The following VMP1 variants were observed in gnomAD, a reference collection of about 807,000 sequenced individuals.
VMP1 encodes ectopic P-granules autophagy protein 3 homolog.
A neutral mutation model predicts 56.0 loss-of-function variants in VMP1; 11 were observed. That is an observed-to-expected ratio of 0.20 (90% CI 0.12 to 0.32). The LOEUF is 0.32. Ranked by LOEUF, VMP1 falls within the 10% of genes least tolerant of loss-of-function variation. VMP1 has a pLI of 1.00. For synonymous variants in VMP1, 149 were observed against 165.0 expected (o/e 0.90, Z 0.74); for missense variants, 296 against 490.3 (o/e 0.60, Z 3.74).
chr17:59,827,177 A>G (rs759486948), intron 10 of VMP1, among the ~76,000 whole-genome samples: 2 of 151,650 alleles, frequency 1.3e-5, no homozygotes, highest in African/African-American at 2.4e-5. Context: ...CTTTTTTGAG[A>G]CAGGGTCTCG....
At chr17:59,711,600 G>C (rs2033936750) in intron 1 of VMP1, among the ~76,000 whole-genome samples, 2 of 152,186 alleles carry the variant, frequency 1.3e-5, no homozygotes, top group Admixed American at 6.5e-5. Flanking sequence ...TTTGGATGGA[G>C]TTTGCTGAAC....
intron 5 of VMP1, among the ~76,000 whole-genome samples, chr17:59,748,596 T>G (rs1432595800): frequency 1.3e-5 from 2 of 152,196 alleles, no homozygotes; most frequent in Non-Finnish European, 2.9e-5. Context: ...CTTGTACAGT[T>G]TTCAGCTCAG....
At chr17:59,708,432 TG>T (rs2143671905) in intron 1 of VMP1, among the ~76,000 whole-genome samples, 1 of 152,354 alleles carries the variant, frequency 6.6e-6, no homozygotes, top group East Asian at 1.9e-4. Flanking sequence ...AAACCATATG[TG>T]GCCCTGTGTC....
chr17:59,819,555 G>A (rs1255080865), intron 10 of VMP1, among the ~76,000 whole-genome samples: 2 of 152,164 alleles, frequency 1.3e-5, no homozygotes, highest in Non-Finnish European at 1.5e-5. Context: ...CCAGGTTAAA[G>A]CAATTCTTCT....
At position 59,765,176 on chromosome 17, in the gene VMP1, T is replaced by C. The variant is rs1225772277; in HGVS notation, c.582+38T>C. 6 of 1,601,362 alleles carry C rather than the reference T, an allele frequency of 3.7e-6. No homozygotes were observed. In the African/African-American group the frequency reaches 8.1e-5, roughly 21 times the overall value. The stretch of plus-strand genomic sequence containing the variant: ...TTTTCATATTTGTTTAAAACTAACC[T>C]CACCATCTTGATAGTGTGTGTACCT... On this transcript the variant is annotated intron_variant, in intron 6 of 11. Coordinates refer to ENST00000262291, the MANE Select transcript of VMP1 (RefSeq NM_030938.5).
intron 8 of VMP1, among the ~76,000 whole-genome samples, 155 bp downstream of exon 8, chr17:59,809,031 C>G (rs1394862925): frequency 6.6e-6 from 1 of 151,480 alleles, no homozygotes; most frequent in Admixed American, 6.6e-5. Context: ...CGGAGTCTCC[C>G]TCTTGTCACC....
chr17:59,838,100 C>CTTT lies in VMP1; in HGVS notation c.975-176_975-174dup, dbSNP rs371074488. ...GGGGTTGTTAGATGGAGTAAATTTT[C>CTTT]TTTTTTTTTTTTTTTTTTTTTAACT... On this transcript the variant is annotated intron_variant, in intron 10 of 11. Coordinates refer to ENST00000262291, the MANE Select transcript of VMP1 (RefSeq NM_030938.5). 470 of 129,318 alleles carry CTTT rather than the reference C, an allele frequency of 3.6e-3. 3 individuals are homozygous for CTTT. Among genetic ancestry groups the CTTT allele is most frequent in the African/African-American group, 0.015 (434 of 28,930 alleles). The allele number at this position is 129,318 out of a possible 1,614,324, so 8.0% of individuals were successfully genotyped here. A position where few individuals can be genotyped will look rare whatever the true frequency, so the allele number is the denominator to read the frequency against.
chr17:59,741,337 T>A (rs982307997), intron 5 of VMP1, among the ~76,000 whole-genome samples: 1 of 152,178 alleles, frequency 6.6e-6, no homozygotes, highest in East Asian at 1.9e-4. Context: ...ATTATCCTTA[T>A]GAGAGACACA....
intron 7 of VMP1, among the ~76,000 whole-genome samples, chr17:59,788,435 C>T (rs1377018626): frequency 6.6e-6 from 1 of 150,888 alleles, no homozygotes; most frequent in Non-Finnish European, 1.5e-5. Flanking sequence ...TTTAGTGAGC[C>T]GAGATCCCAC....
At chr17:59,835,126 T>C (rs1331631912) in intron 10 of VMP1, among the ~76,000 whole-genome samples, 7 of 151,308 alleles carry the variant, frequency 4.6e-5, no homozygotes, top group Non-Finnish European at 8.8e-5. Context: ...TTTTTTTGCT[T>C]TTTTGTTTGT....
intron 1 of VMP1, among the ~76,000 whole-genome samples, chr17:59,718,877 T>G (rs977180704): frequency 2.6e-5 from 4 of 151,984 alleles, no homozygotes; most frequent in African/African-American, 9.7e-5. Context: ...CAAGAATTTT[T>G]TTTCATATAT....
chr17:59,735,286 T>A, intron 2 of VMP1, 52 bp from the exon 3 acceptor site: 2 of 1,591,214 alleles, frequency 1.3e-6, no homozygotes, highest in Non-Finnish European at 1.7e-6. Context: ...TTGAAGAGAA[T>A]AAGCATAAAT....
At chr17:59,791,696 T>G (rs544887785) in intron 7 of VMP1, among the ~76,000 whole-genome samples, 9 of 151,950 alleles carry the variant, frequency 5.9e-5, no homozygotes, top group Non-Finnish European at 1.0e-4. Flanking sequence ...ACTCCCGACC[T>G]CAAATGATCT....
chr17:59,816,290 A>G (rs2038228784), intron 9 of VMP1, among the ~76,000 whole-genome samples: 1 of 152,214 alleles, frequency 6.6e-6, no homozygotes, highest in South Asian at 2.1e-4. Context: ...GGCAAGAACT[A>G]CTAGCTCTGT....
intron 5 of VMP1, among the ~76,000 whole-genome samples, chr17:59,747,031 G>T (rs973139403): frequency 6.6e-6 from 1 of 152,124 alleles, no homozygotes; most frequent in Non-Finnish European, 1.5e-5. Context: ...GCTGCCACTA[G>T]GTGGCATTGC....
chr17:59,776,189 G>A (rs1167193710), intron 7 of VMP1, among the ~76,000 whole-genome samples: 1 of 151,048 alleles, frequency 6.6e-6, no homozygotes, highest in East Asian at 1.9e-4. Context: ...TCTACCCTGG[G>A]CAACAGAGCA....
At chr17:59,806,465 G>A (rs1263162751) in intron 7 of VMP1, among the ~76,000 whole-genome samples, 2 of 152,094 alleles carry the variant, frequency 1.3e-5, no homozygotes, top group African/African-American at 2.4e-5. Context: ...GTGGCTCAAT[G>A]CCTGTAATCC....
chr17:59,730,978 G>A (rs1001883811), intron 1 of VMP1, among the ~76,000 whole-genome samples: 5 of 151,866 alleles, frequency 3.3e-5, no homozygotes, highest in East Asian at 1.9e-4. Context: ...TAATGTTAAA[G>A]GGAATATGAA....
chr17:59,722,612 TAGCAG>T (rs71969440), intron 1 of VMP1, among the ~76,000 whole-genome samples: 2,189 of 152,290 alleles, frequency 0.014, 44 homozygotes, highest in African/African-American at 0.049. Flanking sequence ...AGGCCAAGGC[TAGCAG>T]ATCGCCTGAG....
Sources: gnomAD v4.1 joint callset for allele counts (sites outside exome capture counted in the v4.1 genomes callset) on GRCh38, gnomAD v4.1.1 for gene constraint, MANE v1.5 for transcripts, NCBI Gene and HGNC (gene_info 2026-07-23, HGNC 2026-07-21) for gene names.